Variants in LONP1 observed in about 807,000 individuals in gnomAD.
LONP1 encodes the protein lon peptidase 1, mitochondrial, also known as lon protease homolog, mitochondrial.
A neutral mutation model predicts 98.5 loss-of-function variants in LONP1; 31 were observed. The ratio of observed to expected loss-of-function variants is 0.31; its 90% CI spans 0.24 to 0.42. The LOEUF (loss-of-function observed/expected upper bound fraction) is 0.42, where lower values mean the gene tolerates loss of function less well. Among genes scored for constraint, LONP1 ranks in the 20% least tolerant of loss-of-function variants. The pLI is 1.00. For synonymous variants in LONP1, 781 were observed against 594.7 expected (o/e 1.31, Z -4.56); for missense variants, 1,336 against 1,350.6 (o/e 0.99, Z 0.17).
chr19:5,696,819 T>G (rs975895320), intron 10 of LONP1, 62 bp from the exon 11 acceptor site: 2 of 1,168,598 alleles, frequency 1.7e-6, no homozygotes, highest in East Asian at 4.7e-5. Flanking sequence ...AACGACACCA[T>G]GCACCCTCCA....
At position 5,692,119 on chromosome 19, in the gene LONP1, C is replaced by T. The variant is rs898926710; in HGVS notation, c.2793G>A (p.Leu931=). ...GGTAGTGTTCCACGAAGTGCACCTC[C>T]AGGCCCTCGGTGATGAAGGCTGCCA... ...YDLAAFITEG[L]EVHFVEHYRE... Residue 931 remains leucine (L), a synonymous_variant, in exon 18 of 18, where the codon CTG becomes CTA. Transcript: ENST00000360614. 4 of 1,606,798 alleles carry T rather than the reference C, an allele frequency of 2.5e-6. No homozygotes were observed. The highest frequency in any genetic ancestry group is 1.1e-5 in the South Asian group (1 of 90,574).
Position 5,693,690 on chromosome 19 carries a change from C to T in LONP1, c.2400G>A (p.Leu800=), listed in dbSNP as rs1365738480. 1 of 1,614,022 alleles carries T rather than the reference C, an allele frequency of 6.2e-7. No individual in the cohort carries two copies. Among genetic ancestry groups the T allele is most frequent in the Non-Finnish European group, 8.5e-7 (1 of 1,180,008 alleles). Residue 800 remains leucine, a synonymous_variant, in exon 16 of 18, where the codon CTG becomes CTA. Coordinates refer to ENST00000360614, the MANE Select transcript of LONP1 (RefSeq NM_004793.4). ...KDAKGDKDGS[L]EVTGQLGEVM... ...CCTCCCCCAGCTGGCCTGTCACCTC[C>T]AGGCTGCCATCCTTGTCACCCTTGG...
intron 10 of LONP1, among the ~76,000 whole-genome samples, chr19:5,697,518 AAGAGGGAGGAGAGG>A (rs1157499198): frequency 7.5e-6 from 1 of 132,802 alleles, no homozygotes; most frequent in Non-Finnish European, 1.6e-5. Context: ...GGGGGGAGAG[AAGAGGGAGGAGAGG>A]GGGAAGAGGG....
At chr19:5,718,227 C>T (rs900469563) in intron 1 of LONP1, among the ~76,000 whole-genome samples, 8 of 152,088 alleles carry the variant, frequency 5.3e-5, no homozygotes, top group Non-Finnish European at 1.0e-4. Flanking sequence ...CCTGCAATCC[C>T]AGCACTTTGG....
chr19:5,711,713 C>G (rs2055239511), intron 4 of LONP1, 58 bp downstream of exon 4: 1 of 1,460,792 alleles, frequency 6.8e-7, no homozygotes, highest in Non-Finnish European at 9.4e-7. Context: ...GCAGGAACGG[C>G]TCAAGGGAGC....
intron 10 of LONP1, among the ~76,000 whole-genome samples, chr19:5,697,550 G>A (rs1212231523): frequency 2.2e-5 from 3 of 134,984 alleles, no homozygotes; most frequent in Non-Finnish European, 4.8e-5. Flanking sequence ...GGGAGGAGAT[G>A]GAGAGGGAAG....
intron 8 of LONP1, among the ~76,000 whole-genome samples, chr19:5,704,905 A>G (rs1396583333): frequency 6.6e-6 from 1 of 152,212 alleles, no homozygotes; most frequent in African/African-American, 2.4e-5. Context: ...TCATGCCTGT[A>G]ATCCCAGCAC....
intron 1 of LONP1, among the ~76,000 whole-genome samples, chr19:5,716,465 A>G (rs1257635669): frequency 1.3e-5 from 2 of 150,600 alleles, no homozygotes; most frequent in Non-Finnish European, 3.0e-5. Flanking sequence ...GCTGGTCCAC[A>G]ACCATCCTTT....
At chr19:5,705,110 C>A (rs1377198445) in intron 8 of LONP1, among the ~76,000 whole-genome samples, 2 of 151,194 alleles carry the variant, frequency 1.3e-5, no homozygotes, top group African/African-American at 4.9e-5. Context: ...TGCAGTGAAC[C>A]AACATTGCAC....
chr19:5,701,901 C>T (rs1599460396), intron 8 of LONP1, among the ~76,000 whole-genome samples: 1 of 151,292 alleles, frequency 6.6e-6, no homozygotes, highest in Non-Finnish European at 1.5e-5. Flanking sequence ...CTCTGCCCCG[C>T]CGCCCTGTCT....
At chr19:5,696,930 G>A (rs1006904350) in intron 10 of LONP1, among the ~76,000 whole-genome samples, 173 bp from the exon 11 acceptor site, 8 of 152,194 alleles carry the variant, frequency 5.3e-5, no homozygotes, top group African/African-American at 9.6e-5. Flanking sequence ...CTGCAGGCAC[G>A]CTGGTCACTT....
chr19:5,708,552 G>C (rs2055185513), intron 4 of LONP1, 149 bp from the exon 5 acceptor site: 2 of 374,202 alleles, frequency 5.3e-6, no homozygotes, highest in Admixed American at 6.7e-5. Flanking sequence ...CGGCCTGGGA[G>C]ATGGAGGAGT....
At chr19:5,712,549 T>A in intron 3 of LONP1, 19 of 176,566 alleles carry the variant, frequency 1.1e-4, no homozygotes, top group South Asian at 2.6e-4. Flanking sequence ...CAGGCTGGAG[T>A]GCAGTGGTGT....
chr19:5,716,197 C>A (rs867914445), intron 1 of LONP1, among the ~76,000 whole-genome samples: 1 of 145,604 alleles, frequency 6.9e-6, no homozygotes, highest in Non-Finnish European at 1.5e-5. Flanking sequence ...CACAGTGAGA[C>A]CCCATCTCTA....
chr19:5,692,803 C>T lies in LONP1; in HGVS notation c.2703+495G>A, dbSNP rs951968454. ...AGGTGGTCACAGCCACTTGACCATG[C>T]CTCCCTCGTGGTGGCATCTCCTGAC... On this transcript the variant is annotated intron_variant, in intron 17 of 17. Transcript: ENST00000360614. Among the ~76,000 whole-genome samples, 12 of 152,288 alleles carry T rather than the reference C, an allele frequency of 7.9e-5. No individual in the cohort carries two copies. The East Asian group carries it at 1.5e-3, about 20-fold the overall frequency.
intron 1 of LONP1, among the ~76,000 whole-genome samples, chr19:5,715,484 A>T (rs1021400504): frequency 2.1e-4 from 32 of 151,170 alleles, no homozygotes; most frequent in African/African-American, 7.5e-4. Flanking sequence ...TCTACTAAAA[A>T]TACAAAAATT....
intron 9 of LONP1, among the ~76,000 whole-genome samples, chr19:5,700,078 G>A (rs1259611716): frequency 6.6e-6 from 1 of 151,686 alleles, no homozygotes. Context: ...AGCTGGGACT[G>A]CAGACACGCA....
At chr19:5,696,409 C>T (rs1165451447) in intron 11 of LONP1, 38 bp from the exon 12 acceptor site, 6 of 1,602,962 alleles carry the variant, frequency 3.7e-6, no homozygotes, top group Non-Finnish European at 5.1e-6. Flanking sequence ...CCTCGCCGTG[C>T]CCCTGGCCAG....
At chr19:5,697,737 C>T (rs916038143) in intron 10 of LONP1, among the ~76,000 whole-genome samples, 10 of 148,842 alleles carry the variant, frequency 6.7e-5, no homozygotes, top group East Asian at 2.3e-4. Context: ...TCCATCGCCC[C>T]GCAGCCAGTC....
Sources: allele counts gnomAD v4.1 joint callset (sites outside exome capture counted in the v4.1 genomes callset), GRCh38; gene constraint gnomAD v4.1.1; transcripts MANE v1.5; gene names NCBI Gene and HGNC (gene_info 2026-07-23, HGNC 2026-07-21).